FHOD3: variants seen among roughly 807,000 people sequenced by gnomAD.
The protein encoded by FHOD3 is formin homology 2 domain containing 3.
Under a neutral mutation model 173.0 loss-of-function variants are expected in FHOD3, and 90 were observed. That is an observed-to-expected ratio of 0.52 (90% CI 0.44 to 0.62). FHOD3 has a LOEUF of 0.62. Ranked by LOEUF, FHOD3 falls within the 20% of genes least tolerant of loss-of-function variation. The probability of loss-of-function intolerance (pLI) is 0.00; values close to 1 mark genes in which losing one functional copy is unlikely to be tolerated. For missense variants in FHOD3, 1,945 were observed against 2,034.7 expected, an observed-to-expected ratio of 0.96 and a Z score of 0.85; for synonymous variants, 828 against 823.0, an observed-to-expected ratio of 1.01 and a Z score of -0.10.
rs538399298 is a variant in FHOD3 at position 36,771,728 on chromosome 18, C to A, written c.4786+2302C>A. Reference sequence around the variant, plus strand: ...TGGTGTGGGCAACCTCATCGCAGGGCTCACCATGGGGAGGAGCTGGGAAGA... The same window carrying A: ...TGGTGTGGGCAACCTCATCGCAGGGATCACCATGGGGAGGAGCTGGGAAGA... On this transcript the variant is annotated intron_variant, in intron 28 of 28. Coordinates refer to ENST00000590592, the MANE Select transcript of FHOD3 (RefSeq NM_001281740.3). Among the ~76,000 whole-genome samples, 9 of 152,310 alleles carry A rather than the reference C, an allele frequency of 5.9e-5. No individual in the cohort carries two copies. In the East Asian group the frequency reaches 1.7e-3, roughly 29 times the overall value.
At chr18:36,376,994 G>A (rs1027038551) in intron 3 of FHOD3, among the ~76,000 whole-genome samples, 25 of 152,302 alleles carry the variant, frequency 1.6e-4, no homozygotes, top group African/African-American at 4.6e-4. Flanking sequence ...ATCCTGCATC[G>A]GTACCCTCTT....
intron 7 of FHOD3, among the ~76,000 whole-genome samples, chr18:36,601,020 C>T (rs1195135401): frequency 6.6e-6 from 1 of 152,134 alleles, no homozygotes; most frequent in Non-Finnish European, 1.5e-5. Flanking sequence ...ACAGTGAGAC[C>T]CAAGGCCTGC....
chr18:36,574,707 CAT>C (rs987360468), intron 5 of FHOD3, among the ~76,000 whole-genome samples: 1 of 151,840 alleles, frequency 6.6e-6, no homozygotes, highest in African/African-American at 2.4e-5. Context: ...TATCATTTTT[CAT>C]ATCTTATTAA....
At chr18:36,744,892 G>A (rs992104395) in intron 23 of FHOD3, among the ~76,000 whole-genome samples, 3 of 152,182 alleles carry the variant, frequency 2.0e-5, no homozygotes, top group Non-Finnish European at 4.4e-5. Flanking sequence ...AAGGTCTTAG[G>A]AGCACAGGAA....
intron 5 of FHOD3, among the ~76,000 whole-genome samples, chr18:36,514,578 A>G (rs1278131572): frequency 6.6e-6 from 1 of 152,226 alleles, no homozygotes; most frequent in Admixed American, 6.5e-5. Flanking sequence ...CACACTGACA[A>G]TATATTTTTT....
chr18:36,444,284 C>G (rs538983651), intron 3 of FHOD3, among the ~76,000 whole-genome samples: 2 of 150,084 alleles, frequency 1.3e-5, no homozygotes, highest in South Asian at 2.1e-4. Flanking sequence ...TACTTAAGTT[C>G]TCTTTCTTTC....
chr18:36,637,309 T>G (rs2034960231), intron 10 of FHOD3, among the ~76,000 whole-genome samples: 1 of 152,218 alleles, frequency 6.6e-6, no homozygotes, highest in Non-Finnish European at 1.5e-5. Flanking sequence ...TTTGTTTGTT[T>G]TGGGGTTTTT....
At chr18:36,368,101 TTCTCTC>T (rs146735866) in intron 2 of FHOD3, among the ~76,000 whole-genome samples, 2 of 149,338 alleles carry the variant, frequency 1.3e-5, no homozygotes, top group African/African-American at 4.9e-5. Context: ...CCAGCTCCTA[TTCTCTC>T]TCTCTCTCTC....
intron 6 of FHOD3, among the ~76,000 whole-genome samples, chr18:36,585,448 G>GA (rs925385419): frequency 2.6e-5 from 4 of 151,220 alleles, no homozygotes; most frequent in East Asian, 1.9e-4. Context: ...ATCTCAGTAG[G>GA]AAAAAAAAGG....
In FHOD3 at chr18:36,653,952, A is replaced by G. The variant is rs73949829; in HGVS notation, c.1721+536A>G. Among the ~76,000 whole-genome samples, 578 of 152,328 alleles carry G rather than the reference A, an allele frequency of 3.8e-3. 7 individuals carry two copies. Among genetic ancestry groups the G allele is most frequent in the African/African-American group, 0.013 (544 of 41,566 alleles). On this transcript the variant is annotated intron_variant, in intron 13 of 28. Coordinates refer to ENST00000590592, the MANE Select transcript of FHOD3 (RefSeq NM_001281740.3). Reference sequence around the variant, plus strand: ...AGGAAACTGAGGCACAGAAAGGCTAAGTACCTTGACCAGAGTCACTCAGCT... The same window carrying G: ...AGGAAACTGAGGCACAGAAAGGCTAGGTACCTTGACCAGAGTCACTCAGCT...
intron 21 of FHOD3, 59 bp from the exon 22 acceptor site, chr18:36,742,678 A>G (rs2041961031): frequency 6.4e-7 from 1 of 1,564,894 alleles, no homozygotes; most frequent in Non-Finnish European, 8.7e-7. Flanking sequence ...AAAAGTCAGA[A>G]GAACAAAGTA....
chr18:36,645,458 T>A (rs572668729), intron 10 of FHOD3, among the ~76,000 whole-genome samples: 1 of 152,170 alleles, frequency 6.6e-6, no homozygotes, highest in South Asian at 2.1e-4. Context: ...TTAGATGTGC[T>A]TGTTTGTGGC....
chr18:36,501,947 C>A lies in FHOD3; in HGVS notation c.353C>A (p.Ser118Tyr). 1 of 1,604,086 alleles carries A rather than the reference C, an allele frequency of 6.2e-7. No homozygotes were observed. The change falls in exon 4 of 29, where the codon TCC (serine) becomes TAC (tyrosine). Residue 118 changes from serine to tyrosine, a missense_variant. Ser to Tyr is a moderately radical substitution (Grantham distance 144). Transcript: ENST00000590592. ...TTTATTTCAGAAAAACTATACAACT[C>A]CAGCGGACGAGATTTGAGAAGGGCC... ...VHACIEKLYN[S>Y]SGRDLRRALF...
intron 3 of FHOD3, among the ~76,000 whole-genome samples, chr18:36,439,177 G>A (rs2050983732): frequency 1.3e-5 from 2 of 152,202 alleles, no homozygotes; most frequent in South Asian, 2.1e-4. Context: ...CTTCATTGTT[G>A]TAGTTAATAT....
At chr18:36,649,166 A>T in intron 10 of FHOD3, 150 bp from the exon 11 acceptor site, 1 of 590,022 alleles carries the variant, frequency 1.7e-6, no homozygotes, top group Admixed American at 3.2e-5. Context: ...TCTTCATTTC[A>T]GCCAGCTGGG....
intron 1 of FHOD3, among the ~76,000 whole-genome samples, chr18:36,343,384 G>A (rs1401696824): frequency 6.6e-6 from 1 of 152,190 alleles, no homozygotes; most frequent in Non-Finnish European, 1.5e-5. Flanking sequence ...AAAACATTAT[G>A]CTTAGTGAAA....
intron 10 of FHOD3, among the ~76,000 whole-genome samples, chr18:36,632,783 G>A (rs2034608461): frequency 2.0e-5 from 3 of 152,190 alleles, no homozygotes; most frequent in African/African-American, 7.2e-5. Flanking sequence ...ATCTATACGG[G>A]TCTGCATCAA....
At chr18:36,605,654 A>AG (rs1470240092) in intron 8 of FHOD3, among the ~76,000 whole-genome samples, 1 of 151,814 alleles carries the variant, frequency 6.6e-6, no homozygotes, top group East Asian at 1.9e-4. Flanking sequence ...AAAAAAAAAA[A>AG]TTTGCAACCT....
intron 9 of FHOD3, among the ~76,000 whole-genome samples, chr18:36,615,343 A>G (rs568577776): frequency 7.0e-4 from 107 of 152,324 alleles, no homozygotes; most frequent in African/African-American, 2.5e-3. Flanking sequence ...AAGATAATAT[A>G]TACTCATTGA....
Sources: allele counts gnomAD v4.1 joint callset (sites outside exome capture counted in the v4.1 genomes callset), GRCh38; gene constraint gnomAD v4.1.1; transcripts MANE v1.5; gene names NCBI Gene and HGNC (gene_info 2026-07-23, HGNC 2026-07-21).